Variants in TOP1 observed in about 807,000 individuals in gnomAD.
The protein encoded by TOP1 is DNA topoisomerase 1.
A neutral mutation model predicts 111.1 loss-of-function variants in TOP1; 10 were observed. The observed-to-expected ratio is 0.09, with a 90% CI of 0.06 to 0.15. The LOEUF (loss-of-function observed/expected upper bound fraction) is 0.15, where lower values mean the gene tolerates loss of function less well. Ranked by LOEUF, TOP1 falls within the 10% of genes least tolerant of loss-of-function variation. The probability of loss-of-function intolerance (pLI) is 1.00; values close to 1 mark genes in which losing one functional copy is unlikely to be tolerated. For synonymous variants in TOP1, 271 were observed against 302.9 expected (o/e 0.89, Z 1.10); for missense variants, 474 against 926.7 (o/e 0.51, Z 6.34).
At position 41,092,904 on chromosome 20, in the gene TOP1, G is replaced by A. The variant is rs1294026881; in HGVS notation, c.730+317G>A. Among the ~76,000 whole-genome samples, 9 of 152,098 alleles carry A rather than the reference G, an allele frequency of 5.9e-5. No homozygotes were observed. Among genetic ancestry groups the A allele is most frequent in the Admixed American group, 3.3e-4 (5 of 15,276 alleles). The stretch of plus-strand genomic sequence containing the variant: ...CTTCATTTCTAGGGAGCAACTCTTC[G>A]CAAGAGTTATTAGAAAAGCCTCACT... On this transcript the variant is annotated intron_variant, in intron 9 of 20. Coordinates refer to ENST00000361337, the MANE Select transcript of TOP1 (RefSeq NM_003286.4). This position sits in a 1 kb window ranked among gnomAD's most constrained non-coding sequence, Gnocchi z 4.3.
rs1172010416 is a variant in TOP1 at position 41,097,793 on chromosome 20, A to G, written c.853-422A>G. On this transcript the variant is annotated intron_variant, in intron 10 of 20. Coordinates refer to ENST00000361337, the MANE Select transcript of TOP1 (RefSeq NM_003286.4). This position sits in a 1 kb window ranked among gnomAD's most constrained non-coding sequence, Gnocchi z 4.2. ...ATTTTTTAAAATCTCATTATTCTCA[A>G]TTTGGATAATGTGGACAGAGGCAGC... Among the ~76,000 whole-genome samples, 1 of 152,182 alleles carries G rather than the reference A, an allele frequency of 6.6e-6. No individual in the cohort carries two copies. The highest frequency in any genetic ancestry group is 2.4e-5 in the African/African-American group (1 of 41,440).
In TOP1 at chr20:41,112,853, G is replaced by A; in HGVS notation, c.1380G>A (p.Gln460=). The part of the protein sequence containing the change: ...LKKCVDKIRN[Q]YREDWKSKEM... ...AATGTGTGGACAAGATCCGGAACCA[G>A]TATCGAGAAGACTGGAAGTCCAAAG... Residue 460 remains glutamine, a synonymous_variant, in exon 14 of 21, where the codon CAG becomes CAA. Transcript: ENST00000361337. This position sits in a 1 kb window ranked among gnomAD's most constrained non-coding sequence, Gnocchi z 5.8. The A allele has an allele frequency of 6.2e-7, 1 of 1,614,246 alleles. No individual in the cohort carries two copies. Among genetic ancestry groups the A allele is most frequent in the Non-Finnish European group, 8.5e-7 (1 of 1,180,036 alleles).
rs2034303250 is a variant in TOP1 at position 41,114,839 on chromosome 20, C to T, written c.1639-532C>T. ...TGTGCAGGATCCTAATAATCCAGCC[C>T]ACCAGCAGTCCTCTTCTTATAAAGA... On this transcript the variant is annotated intron_variant, in intron 15 of 20. Transcript: ENST00000361337. The surrounding 1 kb of genome is among the most constrained non-coding windows in gnomAD (Gnocchi z 4.5). 6.6e-6 allele frequency among the ~76,000 whole-genome samples: 1 copy of T among 152,162 alleles called. No homozygotes were observed. Among genetic ancestry groups the T allele is most frequent in the Non-Finnish European group, 1.5e-5 (1 of 68,028 alleles).
intron 13 of TOP1, among the ~76,000 whole-genome samples, chr20:41,111,602 C>CCT (rs1568703849): frequency 1.7e-5 from 2 of 117,136 alleles, no homozygotes; most frequent in Non-Finnish European, 3.6e-5. Flanking sequence ...CCCCCGCCCC[C>CCT]TTTTTTTTTT....
At chr20:41,041,341 T>C (rs1568671678) in intron 2 of TOP1, among the ~76,000 whole-genome samples, 2 of 150,012 alleles carry the variant, frequency 1.3e-5, no homozygotes, top group East Asian at 4.0e-4. Context: ...TCCCAGCTAC[T>C]TGGGAGGCTG....
chr20:41,082,204 G>A lies in TOP1; in HGVS notation c.507+964G>A, dbSNP rs142971681. Among the ~76,000 whole-genome samples, 9 of 152,282 alleles carry A rather than the reference G, an allele frequency of 5.9e-5. No individual in the cohort carries two copies. Among genetic ancestry groups the A allele is most frequent in the African/African-American group, 2.2e-4 (9 of 41,554 alleles). ...AAGTGGACAGTTTGAAGTACCAGCA[G>A]TAAAGAGAATGATAGTGAAGGGGCA... On this transcript the variant is annotated intron_variant, in intron 7 of 20. Coordinates refer to ENST00000361337, the MANE Select transcript of TOP1 (RefSeq NM_003286.4). This position sits in a 1 kb window ranked among gnomAD's most constrained non-coding sequence, Gnocchi z 4.1.
chr20:41,035,359 A>C (rs906860351), intron 2 of TOP1, among the ~76,000 whole-genome samples: 1 of 152,176 alleles, frequency 6.6e-6, no homozygotes, highest in Non-Finnish European at 1.5e-5. Context: ...CCAGGCAATT[A>C]ATTCCCCTCT....
intron 3 of TOP1, among the ~76,000 whole-genome samples, chr20:41,068,415 C>CT (rs961979791): frequency 1.2e-4 from 18 of 151,328 alleles, no homozygotes; most frequent in African/African-American, 2.2e-4. Context: ...GATCCTTTTT[C>CT]TTTTTTTTTG....
At chr20:41,060,544 T>C (rs1277867950) in intron 2 of TOP1, among the ~76,000 whole-genome samples, 1 of 152,192 alleles carries the variant, frequency 6.6e-6, no homozygotes, top group African/African-American at 2.4e-5. Flanking sequence ...AGGGAAACTT[T>C]CTGAGATGAT....
chr20:41,103,317 T>A (rs984300846), intron 13 of TOP1, among the ~76,000 whole-genome samples: 1 of 152,220 alleles, frequency 6.6e-6, no homozygotes, highest in Non-Finnish European at 1.5e-5. Flanking sequence ...GGCTAGTAAC[T>A]CTAACTTAGA....
chr20:41,054,092 C>T (rs1431725640), intron 2 of TOP1, among the ~76,000 whole-genome samples: 1 of 152,148 alleles, frequency 6.6e-6, no homozygotes, highest in Admixed American at 6.5e-5. Flanking sequence ...CTGCCTTGCA[C>T]AAAATATACA....
chr20:41,077,940 A>G (rs1318610387), intron 5 of TOP1, among the ~76,000 whole-genome samples: 1 of 144,648 alleles, frequency 6.9e-6, no homozygotes, highest in Non-Finnish European at 1.5e-5. Context: ...AATGGTATAC[A>G]GTGTACCATT....
rs771144795 is a variant in TOP1 at position 41,115,454 on chromosome 20, C to T, written c.1707+15C>T. On this transcript the variant is annotated intron_variant, in intron 16 of 20. Coordinates refer to ENST00000361337, the MANE Select transcript of TOP1 (RefSeq NM_003286.4). The surrounding 1 kb of genome is among the most constrained non-coding windows in gnomAD (Gnocchi z 6.3). ...ATAGACTCAATGTGAGTAGATGAAG[C>T]ACACAATGTTGAAGGGAGTCCCAGC... 10 of 1,603,664 alleles carry T rather than the reference C, an allele frequency of 6.2e-6. No individual in the cohort carries two copies. In the South Asian group the frequency reaches 9.9e-5, roughly 16 times the overall value.
At chr20:41,064,393 C>T (rs142050565) in intron 3 of TOP1, among the ~76,000 whole-genome samples, 36 of 152,344 alleles carry the variant, frequency 2.4e-4, no homozygotes, top group East Asian at 1.5e-3. Context: ...GGACCCCACT[C>T]TCCTTAAACC....
At chr20:41,089,878 T>C (rs1408982133) in intron 8 of TOP1, among the ~76,000 whole-genome samples, 9 of 152,246 alleles carry the variant, frequency 5.9e-5, no homozygotes, top group Non-Finnish European at 1.2e-4. Context: ...ATTTTCCTAA[T>C]GATTATTGAT....
rs1361291332 is a variant in TOP1, at chr20:41,034,691, C to T, written c.58+5236C>T. Among the ~76,000 whole-genome samples, 1 of 152,144 alleles carries T rather than the reference C, an allele frequency of 6.6e-6. No individual in the cohort carries two copies. The highest frequency in any genetic ancestry group is 1.5e-5 in the Non-Finnish European group (1 of 68,030). ...GGAAAGATCCTAGATATTTTTCACA[C>T]TGGGAGAGAAGTGATGTTACTGGTA... On this transcript the variant is annotated intron_variant, in intron 2 of 20. Transcript: ENST00000361337. The surrounding 1 kb of genome is among the most constrained non-coding windows in gnomAD (Gnocchi z 4.0).
In TOP1 at chr20:41,097,116, C is replaced by T. The variant is rs887537183; in HGVS notation, c.731-104C>T. On this transcript the variant is annotated intron_variant, in intron 9 of 20. Coordinates refer to ENST00000361337, the MANE Select transcript of TOP1 (RefSeq NM_003286.4). This position sits in a 1 kb window ranked among gnomAD's most constrained non-coding sequence, Gnocchi z 4.2. ...TATGTGTCACCAGACCTTTATATAC[C>T]ATGAGAAGGCAAACCATTATTAAAG... 1.6e-6 allele frequency: 2 copies of T among 1,283,394 alleles called. No individual in the cohort carries two copies. Among genetic ancestry groups the T allele is most frequent in the Non-Finnish European group, 2.1e-6 (2 of 933,304 alleles). The allele number at this position is 1,283,394 out of a possible 1,614,324, so 79.5% of individuals were successfully genotyped here.
chr20:41,087,317 C>T (rs973847406), intron 8 of TOP1, among the ~76,000 whole-genome samples: 3 of 152,154 alleles, frequency 2.0e-5, no homozygotes, highest in African/African-American at 7.2e-5. Context: ...TAACTGTTGG[C>T]CATTGTAGCT....
chr20:41,067,366 G>A lies in TOP1; in HGVS notation c.155+5876G>A, dbSNP rs1469799309. Among the ~76,000 whole-genome samples the A allele has an allele frequency of 6.6e-6, 1 of 152,088 alleles. No individual in the cohort carries two copies. The highest frequency in any genetic ancestry group is 1.5e-5 in the Non-Finnish European group (1 of 68,010). On this transcript the variant is annotated intron_variant, in intron 3 of 20. Coordinates refer to ENST00000361337, the MANE Select transcript of TOP1 (RefSeq NM_003286.4). This position sits in a 1 kb window ranked among gnomAD's most constrained non-coding sequence, Gnocchi z 4.0. ...GAACTCCTGGCCTTGTGATCCTCCT[G>A]CCTCAGCCTCCCAAGGTGCTGGGAT...
Sources: allele counts gnomAD v4.1 joint callset (sites outside exome capture counted in the v4.1 genomes callset), GRCh38; gene constraint gnomAD v4.1.1; non-coding constraint Gnocchi (gnomAD v3.1); transcripts MANE v1.5; gene names NCBI Gene and HGNC (gene_info 2026-07-23, HGNC 2026-07-21).